The following DLG2 variants were observed in gnomAD, a reference collection of about 807,000 sequenced individuals.
DLG2 encodes the protein discs large MAGUK scaffold protein 2, also known as disks large homolog 2.
DLG2 carries 45 observed loss-of-function variants against 132.5 expected under a neutral mutation model. The observed-to-expected ratio is 0.34, with a 90% confidence interval of 0.27 to 0.44. The LOEUF (loss-of-function observed/expected upper bound fraction) is 0.44. Ranked by LOEUF, DLG2 falls within the 20% of genes least tolerant of loss-of-function variation. The pLI is 1.00. For missense variants in DLG2, 1,045 were observed against 1,196.9 expected, an observed-to-expected ratio of 0.87 and a Z score of 1.87; for synonymous variants, 424 against 419.6, an observed-to-expected ratio of 1.01 and a Z score of -0.13.
intron 7 of DLG2, among the ~76,000 whole-genome samples, chr11:84,356,873 A>G (rs2098615907): frequency 6.6e-6 from 1 of 152,048 alleles, no homozygotes; most frequent in South Asian, 2.1e-4. Flanking sequence ...ATGAAGTGCA[A>G]GAATGAGTCA....
intron 9 of DLG2, among the ~76,000 whole-genome samples, chr11:84,158,298 C>T (rs905792981): frequency 4.6e-5 from 7 of 152,060 alleles, no homozygotes; most frequent in African/African-American, 1.7e-4. Context: ...CTCCTGACCT[C>T]GTGATCCGCC....
intron 3 of DLG2, among the ~76,000 whole-genome samples, chr11:85,320,898 C>A (rs532602444): frequency 1.3e-5 from 2 of 151,210 alleles, no homozygotes; most frequent in Admixed American, 6.6e-5. Context: ...ATTGTTTAGA[C>A]CTTTGGATTT....
intron 3 of DLG2, among the ~76,000 whole-genome samples, chr11:85,568,062 T>C (rs2077629613): frequency 6.6e-6 from 1 of 150,914 alleles, no homozygotes; most frequent in Admixed American, 6.6e-5. Context: ...TTGCCCAGGC[T>C]GGAGTGCAAT....
At chr11:83,741,302 A>G (rs1277374871) in intron 18 of DLG2, among the ~76,000 whole-genome samples, 1 of 152,172 alleles carries the variant, frequency 6.6e-6, no homozygotes, top group East Asian at 1.9e-4. Context: ...AGTTCTAGCC[A>G]GGACAATCAG....
At chr11:84,739,965 G>C (rs544714296) in intron 6 of DLG2, among the ~76,000 whole-genome samples, 1 of 151,980 alleles carries the variant, frequency 6.6e-6, no homozygotes, top group Non-Finnish European at 1.5e-5. Flanking sequence ...CTAGGCCCTA[G>C]AGTCCATTGT....
chr11:85,164,473 G>T (rs906075516), intron 4 of DLG2, among the ~76,000 whole-genome samples: 14 of 152,078 alleles, frequency 9.2e-5, no homozygotes, highest in African/African-American at 2.4e-4. Flanking sequence ...ATTTGTTTAT[G>T]TTTCCACCGT....
At position 84,535,954 on chromosome 11, in the gene DLG2, C is replaced by CATATATATATATATATAT. The variant is rs778920932; in HGVS notation, c.358-1224_358-1223insATATATATATATATATAT. ...CATCAATGGTTAATTTTTTCATATA[C>CATATATATATATATATAT]ATATATATATAAAACTTCTAGGACA... On this transcript the variant is annotated intron_variant, in intron 6 of 27. Coordinates refer to ENST00000376104, the MANE Select transcript of DLG2 (RefSeq NM_001142699.3). Among the ~76,000 whole-genome samples, 351 of 144,454 alleles carry CATATATATATATATATAT rather than the reference C, an allele frequency of 2.4e-3. 8 individuals carry two copies. The South Asian group carries it at 0.031, about 13-fold the overall frequency. The allele number at this position is 144,454 out of a possible 152,430, so 94.8% of individuals were successfully genotyped here.
chr11:84,345,559 G>A (rs1479074255), intron 7 of DLG2, among the ~76,000 whole-genome samples: 1 of 152,154 alleles, frequency 6.6e-6, no homozygotes, highest in Non-Finnish European at 1.5e-5. Context: ...AAGAGAAAGA[G>A]TCACATGAAG....
chr11:84,810,326 A>G (rs74610635), intron 6 of DLG2, among the ~76,000 whole-genome samples: 1,800 of 152,282 alleles, frequency 0.012, 19 homozygotes, highest in Non-Finnish European at 0.021. Flanking sequence ...CAGAGGAAAT[A>G]CAGATTGCAA....
intron 3 of DLG2, among the ~76,000 whole-genome samples, chr11:85,596,355 T>C (rs561921810): frequency 6.6e-6 from 1 of 152,172 alleles, no homozygotes; most frequent in South Asian, 2.1e-4. Flanking sequence ...GCCACTGCAC[T>C]CCAGCCTGAG....
At chr11:83,641,976 T>A (rs750309067) in intron 18 of DLG2, among the ~76,000 whole-genome samples, 2 of 151,828 alleles carry the variant, frequency 1.3e-5, no homozygotes, top group African/African-American at 2.4e-5. Flanking sequence ...ACAAATAGAT[T>A]ATGAACTAAA....
rs561976587 is a variant in DLG2, at chr11:83,795,633, C to T, written c.1723-8841G>A. On this transcript the variant is annotated intron_variant, in intron 17 of 27. Transcript: ENST00000376104. ...TGTGAAGATGAGTGGTTTACCATTCCCAAGGTCAAATTTTTTTTCTTTTTG... is the reference window on the plus strand; with the variant it reads ...TGTGAAGATGAGTGGTTTACCATTCTCAAGGTCAAATTTTTTTTCTTTTTG... Among the ~76,000 whole-genome samples the T allele has an allele frequency of 3.3e-5, 5 of 151,862 alleles. No homozygotes were observed. The East Asian group carries it at 9.7e-4, about 29-fold the overall frequency.
intron 10 of DLG2, among the ~76,000 whole-genome samples, chr11:84,068,476 C>T (rs73513763): frequency 2.0e-5 from 3 of 152,220 alleles, no homozygotes; most frequent in African/African-American, 7.2e-5. Flanking sequence ...CCATCTTTGG[C>T]CCAGTTATTT....
At chr11:85,533,243 C>T (rs1005805708) in intron 3 of DLG2, among the ~76,000 whole-genome samples, 2 of 151,978 alleles carry the variant, frequency 1.3e-5, no homozygotes, top group Non-Finnish European at 2.9e-5. Context: ...AGGCTAGTCT[C>T]GAACTCCTGG....
At chr11:85,487,341 C>T (rs185433901) in intron 3 of DLG2, among the ~76,000 whole-genome samples, 107 of 150,110 alleles carry the variant, frequency 7.1e-4, no homozygotes, top group African/African-American at 2.5e-3. Context: ...CACAAAATCC[C>T]AGATCAAGAA....
intron 15 of DLG2, among the ~76,000 whole-genome samples, chr11:83,887,908 G>C (rs2154082295): frequency 6.7e-6 from 1 of 149,902 alleles, no homozygotes; most frequent in South Asian, 2.2e-4. Flanking sequence ...AACGCTTCAT[G>C]CTAAAAACTC....
intron 6 of DLG2, among the ~76,000 whole-genome samples, chr11:84,662,453 T>G (rs61899030): frequency 0.36 from 53,883 of 151,490 alleles, 10,077 homozygotes; most frequent in African/African-American, 0.47. Context: ...GGGATTACAG[T>G]CATGAACCAC....
intron 4 of DLG2, among the ~76,000 whole-genome samples, chr11:85,256,800 C>A (rs1486368953): frequency 6.6e-6 from 1 of 152,002 alleles, no homozygotes; most frequent in Non-Finnish European, 1.5e-5. Context: ...AAAGTCTTTA[C>A]AAAAAAGTCT....
intron 3 of DLG2, among the ~76,000 whole-genome samples, chr11:85,549,557 G>T (rs188814400): frequency 3.2e-4 from 48 of 152,288 alleles, no homozygotes; most frequent in African/African-American, 1.0e-3. Flanking sequence ...AGAGGCATTT[G>T]AGCCAGAGCA....
Sources: gnomAD v4.1 joint callset for allele counts (sites outside exome capture counted in the v4.1 genomes callset) on GRCh38, gnomAD v4.1.1 for gene constraint, MANE v1.5 for transcripts, NCBI Gene and HGNC (gene_info 2026-07-23, HGNC 2026-07-21) for gene names.